RAB27B: variants seen among roughly 807,000 people sequenced by gnomAD.
RAB27B encodes RAB27B, member RAS oncogene family.
RAB27B carries 15 observed loss-of-function variants against 24.6 expected under a neutral mutation model. The ratio of observed to expected loss-of-function variants is 0.61; its 90% CI spans 0.41 to 0.94. The LOEUF is 0.94. Among genes scored for constraint, RAB27B ranks in the 40% least tolerant of loss-of-function variants. The pLI is 0.00. For synonymous variants in RAB27B, 105 were observed against 92.5 expected (o/e 1.14, Z -0.78); for missense variants, 261 against 266.8 (o/e 0.98, Z 0.15).
intron 2 of RAB27B, among the ~76,000 whole-genome samples, chr18:54,742,817 T>C (rs79120808): frequency 0.041 from 6,255 of 152,282 alleles, 423 homozygotes; most frequent in African/African-American, 0.14. Flanking sequence ...TCTGTGGATG[T>C]TGGCCATATC....
intron 1 of RAB27B, among the ~76,000 whole-genome samples, chr18:54,835,485 A>G (rs1296290484): frequency 2.6e-5 from 4 of 151,972 alleles, no homozygotes; most frequent in Admixed American, 1.3e-4. Flanking sequence ...TGTAATACCT[A>G]TTCTCAAATA....
intron 2 of RAB27B, among the ~76,000 whole-genome samples, chr18:54,807,636 C>T (rs1028757646): frequency 3.3e-5 from 5 of 152,096 alleles, no homozygotes; most frequent in Non-Finnish European, 2.9e-5. Context: ...AGGAATGACA[C>T]CTTTGTGGTA....
At chr18:54,850,258 A>G (rs1220285633) in intron 1 of RAB27B, among the ~76,000 whole-genome samples, 3 of 149,554 alleles carry the variant, frequency 2.0e-5, no homozygotes, top group Non-Finnish European at 4.4e-5. Flanking sequence ...TGTAATTTAC[A>G]AACAACTTTC....
chr18:54,776,688 T>G (rs1240184560), intron 2 of RAB27B, among the ~76,000 whole-genome samples: 4 of 152,054 alleles, frequency 2.6e-5, no homozygotes, highest in African/African-American at 9.7e-5. Flanking sequence ...ACCTCTGGAG[T>G]CTTATTCAAG....
At chr18:54,818,334 T>C (rs1238017919) in intron 2 of RAB27B, among the ~76,000 whole-genome samples, 1 of 84,560 alleles carries the variant, frequency 1.2e-5, no homozygotes, top group African/African-American at 5.9e-5. Flanking sequence ...ACTAGTATAT[T>C]ATATCCTGTG....
chr18:54,806,039 G>T lies in RAB27B; in HGVS notation c.-19-71528G>T, dbSNP rs556388364. ...TTTAGCTGTTTCATCATGACCCATT[G>T]TGAAAATATGAATGATATACTTAGT... is the stretch of plus-strand genomic sequence containing the variant. On this transcript the variant is annotated intron_variant, in intron 2 of 4. Transcript: ENST00000586570. 3.3e-5 allele frequency among the ~76,000 whole-genome samples: 5 copies of T among 152,278 alleles called. No individual in the cohort carries two copies. The South Asian group carries it at 1.0e-3, about 32-fold the overall frequency.
At chr18:54,838,305 A>AAT (rs1277925436) in intron 1 of RAB27B, among the ~76,000 whole-genome samples, 3 of 152,144 alleles carry the variant, frequency 2.0e-5, no homozygotes, top group African/African-American at 7.2e-5. Context: ...AAACATGTCA[A>AAT]ATGATTGACC....
At chr18:54,811,431 A>G (rs893414188) in intron 2 of RAB27B, among the ~76,000 whole-genome samples, 3 of 152,174 alleles carry the variant, frequency 2.0e-5, no homozygotes, top group Non-Finnish European at 4.4e-5. Context: ...AGGAGCTCCC[A>G]GGTCATAGGT....
At chr18:54,879,629 G>T (rs538131457) in intron 3 of RAB27B, 175 bp downstream of exon 3, 1 of 585,542 alleles carries the variant, frequency 1.7e-6, no homozygotes, top group Non-Finnish European at 3.0e-6. Flanking sequence ...AATCACAGTA[G>T]CACTGTGCAG....
intron 2 of RAB27B, among the ~76,000 whole-genome samples, chr18:54,809,602 A>G (rs1035191006): frequency 1.2e-4 from 18 of 152,230 alleles, no homozygotes; most frequent in African/African-American, 4.3e-4. Context: ...CTCATTAATG[A>G]AGGAAAGTTT....
At chr18:54,842,277 A>C (rs1445743126) in intron 1 of RAB27B, among the ~76,000 whole-genome samples, 1 of 150,050 alleles carries the variant, frequency 6.7e-6, no homozygotes, top group East Asian at 2.0e-4. Context: ...TTCTAGCACA[A>C]GGAAAGCCTA....
At position 54,889,573 on chromosome 18, in the gene RAB27B, T is replaced by A; in HGVS notation, c.*160T>A. 1.5e-6 allele frequency: 1 copy of A among 657,078 alleles called. No individual in the cohort carries two copies. The highest frequency in any genetic ancestry group is 2.4e-6 in the Non-Finnish European group (1 of 412,110). 40.7% of individuals were successfully genotyped at this position (657,078 alleles called of 1,614,324 possible). A position where few individuals can be genotyped will look rare whatever the true frequency, so the allele number is the denominator to read the frequency against. ...AAGAAACCAGAATAGTCAACAGTGT[T>A]CAAAAGAATTGACTAGTTATCCCTG... On this transcript the variant is annotated 3_prime_UTR_variant, in exon 6 of 6. Transcript: ENST00000262094.
chr18:54,785,917 C>T (rs763321082), intron 2 of RAB27B, among the ~76,000 whole-genome samples: 3 of 151,970 alleles, frequency 2.0e-5, no homozygotes, highest in Non-Finnish European at 1.5e-5. Flanking sequence ...CTATAGAGGC[C>T]CAAAAAGGGA....
chr18:54,755,528 C>T (rs1361681810), intron 2 of RAB27B, among the ~76,000 whole-genome samples: 1 of 152,106 alleles, frequency 6.6e-6, no homozygotes, highest in African/African-American at 2.4e-5. Flanking sequence ...ACAATGTAAT[C>T]CTCACAATTA....
intron 2 of RAB27B, among the ~76,000 whole-genome samples, chr18:54,754,757 A>G (rs1040117890): frequency 2.6e-5 from 4 of 152,194 alleles, no homozygotes; most frequent in African/African-American, 9.6e-5. Flanking sequence ...AACTATAATT[A>G]TCCTGAAAGC....
At chr18:54,818,795 G>A (rs1910200673) in intron 2 of RAB27B, among the ~76,000 whole-genome samples, 1 of 152,150 alleles carries the variant, frequency 6.6e-6, no homozygotes, top group Admixed American at 6.5e-5. Context: ...AAGAAAATGA[G>A]AAGTTCTTAT....
chr18:54,887,860 A>C, intron 4 of RAB27B, 135 bp from the exon 5 acceptor site: 1 of 944,504 alleles, frequency 1.1e-6, no homozygotes, highest in Non-Finnish European at 1.6e-6. Flanking sequence ...GGGAAGAGGA[A>C]GTAACTTGGC....
chr18:54,887,841 A>G (rs1361898335), intron 4 of RAB27B, among the ~76,000 whole-genome samples, 154 bp from the exon 5 acceptor site: 2 of 152,192 alleles, frequency 1.3e-5, no homozygotes, highest in Admixed American at 6.6e-5. Context: ...AGATAAGCAC[A>G]TTGTGACTGG....
At chr18:54,829,419 A>G (rs139658157) in intron 1 of RAB27B, among the ~76,000 whole-genome samples, 106 of 152,356 alleles carry the variant, frequency 7.0e-4, no homozygotes, top group South Asian at 1.2e-3. Flanking sequence ...TCACACCTGT[A>G]TCATGTTTTG....
Sources: allele counts gnomAD v4.1 joint callset (sites outside exome capture counted in the v4.1 genomes callset), GRCh38; gene constraint gnomAD v4.1.1; transcripts MANE v1.5; gene names NCBI Gene and HGNC (gene_info 2026-07-23, HGNC 2026-07-21).